ZNF398: variants seen among roughly 807,000 people sequenced by gnomAD.
ZNF398 encodes zinc finger DNA binding protein ZER6.
ZNF398 carries 18 observed loss-of-function variants against 41.9 expected under a neutral mutation model. The ratio of observed to expected loss-of-function variants is 0.43; its 90% CI spans 0.30 to 0.64. ZNF398 has a LOEUF of 0.64. ZNF398 is among the 30% of genes least tolerant of loss of function. The pLI, the probability that ZNF398 is intolerant of heterozygous loss-of-function variation, is 0.14. For missense variants in ZNF398, 669 were observed against 822.8 expected (o/e 0.81, Z 2.29); for synonymous variants, 260 against 308.8 (o/e 0.84, Z 1.66).
At chr7:149,162,212 C>T (rs953893447) in intron 2 of ZNF398, among the ~76,000 whole-genome samples, 9 of 151,562 alleles carry the variant, frequency 5.9e-5, no homozygotes, top group Admixed American at 5.3e-4. Flanking sequence ...GTCGGAGTCT[C>T]GCTCTGTCGC....
At position 149,180,048 on chromosome 7, in the gene ZNF398, C is replaced by A. The variant is rs1795558445; in HGVS notation, c.*247C>A. On this transcript the variant is annotated 3_prime_UTR_variant, in exon 6 of 6. Coordinates refer to ENST00000475153, the MANE Select transcript of ZNF398 (RefSeq NM_170686.3). ...CAGCATGTCCATCTTTTCAAAGATACAACAAAAGCAGAAGTTACAAGAATA... is the reference window on the plus strand; with the variant it reads ...CAGCATGTCCATCTTTTCAAAGATAAAACAAAAGCAGAAGTTACAAGAATA... 3 of 404,678 alleles carry A rather than the reference C, an allele frequency of 7.4e-6. No individual in the cohort carries two copies. The highest frequency in any genetic ancestry group is 1.3e-5 in the Non-Finnish European group (3 of 226,438). 25.1% of individuals were successfully genotyped at this position (404,678 alleles called of 1,614,324 possible).
intron 2 of ZNF398, among the ~76,000 whole-genome samples, chr7:149,165,400 G>A (rs1255141079): frequency 2.6e-5 from 4 of 152,226 alleles, no homozygotes; most frequent in African/African-American, 9.7e-5. Flanking sequence ...AGAAATTGCA[G>A]TGAGCTGCAG....
In ZNF398 at chr7:149,179,351, C is replaced by G; in HGVS notation, c.1479C>G (p.Asn493Lys). 1 of 1,613,428 alleles carries G rather than the reference C, an allele frequency of 6.2e-7. No homozygotes were observed. Among genetic ancestry groups the G allele is most frequent in the Non-Finnish European group, 8.5e-7 (1 of 1,180,032 alleles). Reference sequence around the variant, plus strand: ...GCCCTCAGTGTGGCATTGACTTCAACGGCCACTCGGCCCTGATCCGCCACC... The same window carrying G: ...GCCCTCAGTGTGGCATTGACTTCAAGGGCCACTCGGCCCTGATCCGCCACC... ...FSCPQCGIDF[N>K]GHSALIRHQM... Residue 493 changes from asparagine to lysine, a missense_variant, in exon 6 of 6, where the codon AAC becomes AAG. Asn to Lys is a moderately conservative substitution (Grantham distance 94, BLOSUM62 0). This residue lies in a region of ZNF398 where 210 missense variants were observed against 290.4 expected (regional missense o/e 0.72). Coordinates refer to ENST00000475153, the MANE Select transcript of ZNF398 (RefSeq NM_170686.3). The surrounding 1 kb of genome is among the most constrained non-coding windows in gnomAD (Gnocchi z 6.1).
chr7:149,159,606 C>T (rs977995820), intron 2 of ZNF398, among the ~76,000 whole-genome samples: 3 of 151,910 alleles, frequency 2.0e-5, no homozygotes, highest in Non-Finnish European at 4.4e-5. Flanking sequence ...TGAGATCGCA[C>T]CACTGCACTC....
chr7:149,143,793 CAA>C, upstream of ZNF398, among the ~76,000 whole-genome samples: 1 of 152,086 alleles, frequency 6.6e-6, no homozygotes, highest in Non-Finnish European at 1.5e-5. Flanking sequence ...GTCTGGGCAA[CAA>C]GAGTAAAAAC....
At chr7:149,161,589 C>T (rs1795105058) in intron 2 of ZNF398, among the ~76,000 whole-genome samples, 1 of 152,014 alleles carries the variant, frequency 6.6e-6, no homozygotes, top group Admixed American at 6.6e-5. Flanking sequence ...CAAAACAAAA[C>T]CAAAACCAAA....
chr7:149,147,657 G>T lies in ZNF398; in HGVS notation c.-86G>T. 1 of 1,225,680 alleles carries T rather than the reference G, an allele frequency of 8.2e-7. No homozygotes were observed. Among genetic ancestry groups the T allele is most frequent in the Non-Finnish European group, 1.0e-6 (1 of 982,760 alleles). The allele number at this position is 1,225,680 out of a possible 1,614,324, so 75.9% of individuals were successfully genotyped here. A position where few individuals can be genotyped will look rare whatever the true frequency, so the allele number is the denominator to read the frequency against. ...CGGCGCCGCCTGTGGAGAGGACCCG[G>T]CGGCCGGGCCTGCTTGGAGCCGGGC... On this transcript the variant is annotated 5_prime_UTR_variant, in exon 1 of 6. Transcript: ENST00000475153. This position sits in a 1 kb window ranked among gnomAD's most constrained non-coding sequence, Gnocchi z 5.6.
chr7:149,177,157 G>A (rs1795479695), intron 5 of ZNF398, among the ~76,000 whole-genome samples: 1 of 151,776 alleles, frequency 6.6e-6, no homozygotes, highest in African/African-American at 2.4e-5. Flanking sequence ...TGTTCTTTTA[G>A]ACTGGGAAAC....
intron 4 of ZNF398, among the ~76,000 whole-genome samples, chr7:149,168,216 T>C (rs1795262972): frequency 6.6e-6 from 1 of 152,034 alleles, no homozygotes; most frequent in Non-Finnish European, 1.5e-5. Flanking sequence ...TAGCTGGGAT[T>C]ACAGGTGCCC....
At chr7:149,131,844 T>C (rs1826601536) in intron 2 of ZNF398, among the ~76,000 whole-genome samples, 1 of 142,108 alleles carries the variant, frequency 7.0e-6, no homozygotes, top group East Asian at 1.9e-4. Context: ...TAGCTTAGTC[T>C]ATTATCCTAG....
At chr7:149,132,194 C>CTTT (rs35611997) in intron 2 of ZNF398, among the ~76,000 whole-genome samples, 81 of 113,358 alleles carry the variant, frequency 7.1e-4, no homozygotes, top group Middle Eastern at 4.5e-3. Flanking sequence ...TTCTCTCTCT[C>CTTT]TTTTTTTTTT....
At chr7:149,150,968 G>A (rs60037161) in intron 1 of ZNF398, among the ~76,000 whole-genome samples, 3,476 of 152,252 alleles carry the variant, frequency 0.023, 181 homozygotes, top group East Asian at 0.23. Flanking sequence ...TCTCAGCCTT[G>A]CAAAGTGCTG....
chr7:149,152,592 G>GT (rs1329435738), intron 1 of ZNF398, among the ~76,000 whole-genome samples: 3 of 147,454 alleles, frequency 2.0e-5, no homozygotes, highest in Non-Finnish European at 3.0e-5. Context: ...CTGAGACGGA[G>GT]TTTTGCTCTT....
Position 149,182,610 on chromosome 7 carries a change from TG to T in ZNF398, c.*2810del, listed in dbSNP as rs1394139471. The T allele has an allele frequency of 1.3e-5, 2 of 152,280 alleles. No homozygotes were observed. Among genetic ancestry groups the T allele is most frequent in the Non-Finnish European group, 2.9e-5 (2 of 68,060 alleles). The allele number at this position is 152,280 out of a possible 1,614,324, so 9.4% of individuals were successfully genotyped here. On this transcript the variant is annotated 3_prime_UTR_variant, in exon 6 of 6. Coordinates refer to ENST00000475153, the MANE Select transcript of ZNF398 (RefSeq NM_170686.3). ...AAACCCCAGAAACGTGCTCTTCATCTGTCAGCCTTTTGGACCAAGAAGCTGT... is the reference window on the plus strand; with the variant it reads ...AAACCCCAGAAACGTGCTCTTCATCTTCAGCCTTTTGGACCAAGAAGCTGT...
upstream of ZNF398, among the ~76,000 whole-genome samples, chr7:149,146,878 C>T (rs570807728): frequency 2.0e-4 from 31 of 152,080 alleles, no homozygotes; most frequent in African/African-American, 5.8e-4. Context: ...ATTAAGAATC[C>T]TATTTCCAGA....
At position 149,158,023 on chromosome 7, in the gene ZNF398, A is replaced by C. The variant is rs537198484; in HGVS notation, c.420+3683A>C. On this transcript the variant is annotated intron_variant, in intron 2 of 5. Coordinates refer to ENST00000475153, the MANE Select transcript of ZNF398 (RefSeq NM_170686.3). Reference sequence around the variant, plus strand: ...CTTGAACCCAGGAGGTGGAGGTTGCAGTAAGCCGAGATCGTGCCATTGCAC... The same window carrying C: ...CTTGAACCCAGGAGGTGGAGGTTGCCGTAAGCCGAGATCGTGCCATTGCAC... 9.2e-5 allele frequency among the ~76,000 whole-genome samples: 14 copies of C among 152,262 alleles called. No homozygotes were observed. In the East Asian group the frequency reaches 2.5e-3, roughly 27 times the overall value.
At chr7:149,135,213 C>T (rs1020881438) in intron 2 of ZNF398, among the ~76,000 whole-genome samples, 2 of 151,314 alleles carry the variant, frequency 1.3e-5, no homozygotes. Context: ...CACGGTGAAA[C>T]CCCGTCTCTA....
At chr7:149,154,812 A>G (rs1204267523) in intron 2 of ZNF398, among the ~76,000 whole-genome samples, 1 of 151,976 alleles carries the variant, frequency 6.6e-6, no homozygotes, top group Non-Finnish European at 1.5e-5. Flanking sequence ...AACGTGAGGA[A>G]ACCCTGTCTC....
At chr7:149,132,490 G>A (rs546965061) in intron 2 of ZNF398, among the ~76,000 whole-genome samples, 3 of 152,110 alleles carry the variant, frequency 2.0e-5, no homozygotes, top group South Asian at 2.1e-4. Flanking sequence ...CACCCCGCCC[G>A]GCCTAGAGAA....
Sources: allele counts gnomAD v4.1 joint callset (sites outside exome capture counted in the v4.1 genomes callset), GRCh38; gene constraint gnomAD v4.1.1; regional missense constraint gnomAD v4.1.1; non-coding constraint Gnocchi (gnomAD v3.1); transcripts MANE v1.5; gene names NCBI Gene and HGNC (gene_info 2026-07-23, HGNC 2026-07-21).